Variants in ERLIN2 observed in about 807,000 individuals in gnomAD.
ERLIN2 encodes ER lipid raft associated 2.
Under a neutral mutation model 41.5 loss-of-function variants are expected in ERLIN2, and 22 were observed. The observed-to-expected ratio is 0.53, with a 90% CI of 0.38 to 0.76. ERLIN2 has a LOEUF of 0.76. Among genes scored for constraint, ERLIN2 ranks in the 30% least tolerant of loss-of-function variants. The pLI is 0.00. For synonymous variants in ERLIN2, 149 were observed against 150.9 expected (o/e 0.99, Z 0.09); for missense variants, 247 against 414.3 (o/e 0.60, Z 3.51).
chr8:37,741,631 G>A lies in ERLIN2; in HGVS notation c.190-141G>A, dbSNP rs183464711. The A allele has an allele frequency of 1.4e-6, 1 of 739,260 alleles. No individual in the cohort carries two copies. Among genetic ancestry groups the A allele is most frequent in the Admixed American group, 2.0e-5 (1 of 50,554 alleles). 45.8% of individuals were successfully genotyped at this position (739,260 alleles called of 1,614,324 possible). A position where few individuals can be genotyped will look rare whatever the true frequency, so the allele number is the denominator to read the frequency against. On this transcript the variant is annotated intron_variant, in intron 3 of 11. Coordinates refer to ENST00000519638, the MANE Select transcript of ERLIN2 (RefSeq NM_007175.8). The surrounding 1 kb of genome is among the most constrained non-coding windows in gnomAD (Gnocchi z 4.8). ...GCTTAGCAACCCTGTGAGGAAGGAG[G>A]ATTAGGTGGGGTAATCATGTTTAAT...
At chr8:37,737,772 C>A in intron 1 of ERLIN2, 136 bp from the exon 2 acceptor site, 3 of 975,556 alleles carry the variant, frequency 3.1e-6, no homozygotes, top group Non-Finnish European at 4.7e-6. Context: ...AGTTGTAGAT[C>A]TAGCCTTGTG....
chr8:37,748,582 G>A (rs1447320930), intron 6 of ERLIN2, among the ~76,000 whole-genome samples: 2 of 152,220 alleles, frequency 1.3e-5, no homozygotes. Flanking sequence ...TTTGGCATCA[G>A]TGAAAGAGCG....
intron 6 of ERLIN2, chr8:37,747,970 G>A (rs973792280): frequency 1.4e-5 from 23 of 1,614,116 alleles, no homozygotes; most frequent in Non-Finnish European, 1.8e-5. Context: ...CCGAGTGTCA[G>A]AGCAGACTAC....
chr8:37,740,389 C>T lies in ERLIN2; in HGVS notation c.132C>T (p.Thr44=), dbSNP rs778384686. 6.2e-7 allele frequency: 1 copy of T among 1,612,884 alleles called. No individual in the cohort carries two copies. The highest frequency in any genetic ancestry group is 1.7e-5 in the Admixed American group (1 of 59,974). Residue 44 remains threonine (T), a synonymous_variant, in exon 3 of 12, where the codon ACC becomes ACT. Coordinates refer to ENST00000519638, the MANE Select transcript of ERLIN2 (RefSeq NM_007175.8). ...GAGGCGGTGCCCTGCTGACTTCGAC[C>T]AGCGGCCCTGGTTTCCATCTCATGC... The part of the protein sequence containing the change: ...YYRGGALLTS[T]SGPGFHLMLP...
At chr8:37,743,879 ACTC>A (rs1205756180) in intron 4 of ERLIN2, among the ~76,000 whole-genome samples, 4 of 152,116 alleles carry the variant, frequency 2.6e-5, no homozygotes, top group Non-Finnish European at 5.9e-5. Flanking sequence ...TAGTTATACT[ACTC>A]TTTCGGCTTC....
chr8:37,755,178 A>T lies in ERLIN2; in HGVS notation c.*1063A>T, dbSNP rs1469931683. On this transcript the variant is annotated 3_prime_UTR_variant, in exon 12 of 12. Coordinates refer to ENST00000519638, the MANE Select transcript of ERLIN2 (RefSeq NM_007175.8). ...CTAAGTAGCCTGTGTTTTTAAATCC[A>T]GGGCTGCAGGCAGCAACGCAAGTCA... is the stretch of plus-strand genomic sequence containing the variant. The T allele has an allele frequency of 3.3e-5, 5 of 152,270 alleles. No individual in the cohort carries two copies. Among genetic ancestry groups the T allele is most frequent in the African/African-American group, 1.2e-4 (5 of 41,466 alleles). 9.4% of individuals were successfully genotyped at this position (152,270 alleles called of 1,614,324 possible).
chr8:37,754,320 T>C lies in ERLIN2; in HGVS notation c.*205T>C. 1 of 585,996 alleles carries C rather than the reference T, an allele frequency of 1.7e-6. No homozygotes were observed. Among genetic ancestry groups the C allele is most frequent in the Admixed American group, 2.9e-5 (1 of 34,996 alleles). 36.3% of individuals were successfully genotyped at this position (585,996 alleles called of 1,614,324 possible). On this transcript the variant is annotated 3_prime_UTR_variant, in exon 12 of 12. Transcript: ENST00000519638. ...GGGGGGTTTTATTTCAGGTAAGCAG[T>C]TTATATGACTTCCAATAAGATTTGT... is the stretch of plus-strand genomic sequence containing the variant.
chr8:37,753,584 G>T (rs927053402), intron 11 of ERLIN2, 55 bp downstream of exon 11: 7 of 1,521,096 alleles, frequency 4.6e-6, no homozygotes, highest in East Asian at 2.3e-5. Context: ...GGTCTGTATT[G>T]CAGGAGAGTT....
At chr8:37,752,845 C>T (rs1386099183) in intron 10 of ERLIN2, among the ~76,000 whole-genome samples, 1 of 152,250 alleles carries the variant, frequency 6.6e-6, no homozygotes, top group African/African-American at 2.4e-5. Flanking sequence ...GCGTGTAATT[C>T]TCTCTCAGAA....
At position 37,741,868 on chromosome 8, in the gene ERLIN2, GCTGT is replaced by G; in HGVS notation, c.236+54_236+57del. On this transcript the variant is annotated intron_variant, in intron 4 of 11. Coordinates refer to ENST00000519638, the MANE Select transcript of ERLIN2 (RefSeq NM_007175.8). This position sits in a 1 kb window ranked among gnomAD's most constrained non-coding sequence, Gnocchi z 4.8. ...TAAGCCCAAATAAGTCAGAGAAAAG[GCTGT>G]CTGGCTGGTTGCAGGAAGAGACAGT... The G allele has an allele frequency of 7.0e-7, 1 of 1,436,878 alleles. No individual in the cohort carries two copies. Among genetic ancestry groups the G allele is most frequent in the Non-Finnish European group, 9.8e-7 (1 of 1,018,396 alleles). 89.0% of individuals were successfully genotyped at this position (1,436,878 alleles called of 1,614,324 possible). A position where few individuals can be genotyped will look rare whatever the true frequency, so the allele number is the denominator to read the frequency against.
chr8:37,741,374 T>C lies in ERLIN2; in HGVS notation c.190-398T>C, dbSNP rs887056075. Among the ~76,000 whole-genome samples, 2 of 152,228 alleles carry C rather than the reference T, an allele frequency of 1.3e-5. No homozygotes were observed. The highest frequency in any genetic ancestry group is 2.9e-5 in the Non-Finnish European group (2 of 68,040). ...TTGATCACTTACTGTACCTAATTTA[T>C]AAATTAAACTTTATCATAGGTATGT... On this transcript the variant is annotated intron_variant, in intron 3 of 11. Transcript: ENST00000519638. This position sits in a 1 kb window ranked among gnomAD's most constrained non-coding sequence, Gnocchi z 4.8.
rs996579735 is a variant in ERLIN2, at chr8:37,755,271, T to C, written c.*1156T>C. On this transcript the variant is annotated 3_prime_UTR_variant, in exon 12 of 12. Transcript: ENST00000519638. The stretch of plus-strand genomic sequence containing the variant: ...CAGAGTTCATGCCCAAGTCCCCAGG[T>C]TGGAATGGCTGTGCCAAAATCCATT... 1 of 152,268 alleles carries C rather than the reference T, an allele frequency of 6.6e-6. No homozygotes were observed. The highest frequency in any genetic ancestry group is 2.4e-5 in the African/African-American group (1 of 41,462). 9.4% of individuals were successfully genotyped at this position (152,268 alleles called of 1,614,324 possible).
At chr8:37,751,801 T>A in intron 10 of ERLIN2, 86 bp downstream of exon 10, 1 of 977,424 alleles carries the variant, frequency 1.0e-6, no homozygotes, top group Non-Finnish European at 1.6e-6. Context: ...CTTTGCCCTT[T>A]AACTGTGCTC....
chr8:37,740,479 C>G (rs981203917), intron 3 of ERLIN2, 33 bp downstream of exon 3: 47 of 1,543,760 alleles, frequency 3.0e-5, no homozygotes, highest in Non-Finnish European at 4.1e-5. Flanking sequence ...GGCTGGACGA[C>G]TGCAAACTTG....
chr8:37,736,846 C>T, intron 1 of ERLIN2, 168 bp downstream of exon 1: 1 of 985,950 alleles, frequency 1.0e-6, no homozygotes, highest in Non-Finnish European at 1.2e-6. Flanking sequence ...TCCTTGCGAG[C>T]CGCAGGGGGA....
chr8:37,751,337 C>T (rs953214286), intron 9 of ERLIN2, among the ~76,000 whole-genome samples: 5 of 152,260 alleles, frequency 3.3e-5, no homozygotes, highest in Non-Finnish European at 7.3e-5. Flanking sequence ...AGGTAGAACC[C>T]TACTAGAGTA....
chr8:37,750,103 T>G (rs1205076342), intron 8 of ERLIN2: 1 of 625,030 alleles, frequency 1.6e-6, no homozygotes, highest in Non-Finnish European at 2.8e-6. Context: ...GGGCCTTGTT[T>G]GTGTTCAGTG....
intron 9 of ERLIN2, 26 bp downstream of exon 9, chr8:37,750,512 C>T: frequency 6.3e-7 from 1 of 1,586,862 alleles, no homozygotes; most frequent in Non-Finnish European, 8.6e-7. Context: ...TGTGATCCCC[C>T]TTTCCAGGCA....
Position 37,737,998 on chromosome 8 carries a change from A to G in ERLIN2, c.76A>G (p.Ile26Val), listed in dbSNP as rs1302684546. 6.2e-7 allele frequency: 1 copy of G among 1,614,186 alleles called. No individual in the cohort carries two copies. The highest frequency in any genetic ancestry group is 8.5e-7 in the Non-Finnish European group (1 of 1,180,008). ...ATCTCTCTTCTCAGCTGTGCACAAG[A>G]TAGAAGAGGGACATATTGGGGTATA... Reference protein sequence around the residue: ...CASLFSAVHKIEEGHIGVYYR... With the variant: ...CASLFSAVHKVEEGHIGVYYR... The change falls in exon 2 of 12, where the codon ATA (isoleucine) becomes GTA (valine). Residue 26 changes from isoleucine to valine, a missense_variant. Transcript: ENST00000519638.
Sources: allele counts gnomAD v4.1 joint callset (sites outside exome capture counted in the v4.1 genomes callset), GRCh38; gene constraint gnomAD v4.1.1; non-coding constraint Gnocchi (gnomAD v3.1); transcripts MANE v1.5; gene names NCBI Gene and HGNC (gene_info 2026-07-23, HGNC 2026-07-21).